Variants in DNM1L observed in about 807,000 individuals in gnomAD.
DNM1L encodes dynamin-1-like protein.
In DNM1L, 33 loss-of-function variants were observed where a neutral mutation model predicts 92.8. That is an observed-to-expected ratio of 0.36 (90% CI 0.27 to 0.48). The LOEUF (loss-of-function observed/expected upper bound fraction) is 0.48. Ranked by LOEUF, DNM1L falls within the 20% of genes least tolerant of loss-of-function variation. The pLI is 0.99. For synonymous variants in DNM1L, 284 were observed against 305.0 expected (o/e 0.93, Z 0.72); for missense variants, 485 against 888.8 (o/e 0.55, Z 5.78).
chr12:32,739,682 T>C (rs2137584503), intron 16 of DNM1L, among the ~76,000 whole-genome samples: 1 of 152,358 alleles, frequency 6.6e-6, no homozygotes, highest in South Asian at 2.1e-4. Context: ...GAAATTAAAC[T>C]GAATAGCAGT....
chr12:32,722,710 C>A, intron 9 of DNM1L, 77 bp downstream of exon 9: 3 of 1,038,314 alleles, frequency 2.9e-6, no homozygotes, highest in Non-Finnish European at 4.4e-6. Context: ...ATGACTTCAG[C>A]TCAGATTATC....
chr12:32,739,404 A>G (rs1212958151), intron 16 of DNM1L, among the ~76,000 whole-genome samples: 1 of 152,240 alleles, frequency 6.6e-6, no homozygotes, highest in African/African-American at 2.4e-5. Context: ...TAATGGTAGC[A>G]CTAGATTTCT....
chr12:32,738,217 T>C (rs1217023261), intron 15 of DNM1L, 47 bp from the exon 16 acceptor site: 2 of 1,607,862 alleles, frequency 1.2e-6, no homozygotes, highest in African/African-American at 2.7e-5. Context: ...CCATTGGTAT[T>C]TAAATTTTGC....
intron 9 of DNM1L, chr12:32,727,480 G>GCA (rs1954225450): frequency 1.7e-6 from 1 of 586,240 alleles, no homozygotes; most frequent in Non-Finnish European, 3.1e-6. Context: ...GCAAGAGGCA[G>GCA]CACTGCAAGC....
Position 32,726,624 on chromosome 12 carries a change from C to G in DNM1L, c.1079+3991C>G, listed in dbSNP as rs147861153. 1,987 of 990,136 alleles carry G rather than the reference C, an allele frequency of 2.0e-3. 25 individuals carry two copies. In the African/African-American group the frequency reaches 0.029, roughly 14 times the overall value. The allele number at this position is 990,136 out of a possible 1,614,324, so 61.3% of individuals were successfully genotyped here. A position where few individuals can be genotyped will look rare whatever the true frequency, so the allele number is the denominator to read the frequency against. ...AGCTTCAGCATCATCATCCAGATCT[C>G]CACTCTCAGGAACTTCAGGAGGGGC... is the stretch of plus-strand genomic sequence containing the variant. On this transcript the variant is annotated intron_variant, in intron 9 of 19. Coordinates refer to ENST00000549701, the MANE Select transcript of DNM1L (RefSeq NM_012062.5).
At chr12:32,730,645 A>C (rs1954497073) in intron 9 of DNM1L, among the ~76,000 whole-genome samples, 1 of 152,248 alleles carries the variant, frequency 6.6e-6, no homozygotes, top group African/African-American at 2.4e-5. Context: ...TTATGGAAAA[A>C]GTTTGCCAAC....
At position 32,711,014 on chromosome 12, in the gene DNM1L, A is replaced by C; in HGVS notation, c.455A>C (p.Lys152Thr). 2 of 1,613,540 alleles carry C rather than the reference A, an allele frequency of 1.2e-6. No individual in the cohort carries two copies. Among genetic ancestry groups the C allele is most frequent in the Non-Finnish European group, 1.7e-6 (2 of 1,179,532 alleles). Residue 152 changes from lysine to threonine, a missense_variant and splice_region_variant, in exon 5 of 20, where the codon AAG becomes ACG. By Grantham distance (78) the Lys-to-Thr change is moderately conservative. Transcript: ENST00000549701. Reference sequence around the variant, plus strand: ...CTTGTGGATTTGCCAGGAATGACCAAGGTAAGGAAGGAATAGTTGTAGATT... The same window carrying C: ...CTTGTGGATTTGCCAGGAATGACCACGGTAAGGAAGGAATAGTTGTAGATT... The part of the protein sequence containing the change: ...LTLVDLPGMT[K>T]VPVGDQPKDI...
In DNM1L at chr12:32,679,480, C is replaced by T. The variant is rs1439460697; in HGVS notation, c.102+15C>T. On this transcript the variant is annotated intron_variant, in intron 1 of 19. Transcript: ENST00000549701. ...TGGGAACGCAGGTGAGAGCAGCAGG[C>T]GGCGTTCGCTCGGGCCAGACCCCGG... The T allele has an allele frequency of 1.2e-6, 2 of 1,605,106 alleles. No individual in the cohort carries two copies. Among genetic ancestry groups the T allele is most frequent in the South Asian group, 1.1e-5 (1 of 90,992 alleles).
At position 32,722,456 on chromosome 12, in the gene DNM1L, T is replaced by C. The variant is rs752103486; in HGVS notation, c.902T>C (p.Leu301Ser). The change falls in exon 9 of 20, where the codon TTA becomes TCA. Residue 301 changes from leucine to serine, a missense_variant. Physicochemically the swap from Leu to Ser is moderately radical, Grantham distance 145. Coordinates refer to ENST00000549701, the MANE Select transcript of DNM1L (RefSeq NM_012062.5). Reference protein sequence around the residue: ...RLLMHHIRDCLPELKTRINVL... With the variant: ...RLLMHHIRDCSPELKTRINVL... ...CTGATGCATCACATCAGAGATTGTT[T>C]ACCAGAGTTGAAAACAAGAATAAAT... The C allele has an allele frequency of 6.2e-7, 1 of 1,612,922 alleles. No homozygotes were observed. The highest frequency in any genetic ancestry group is 8.5e-7 in the Non-Finnish European group (1 of 1,179,962).
intron 12 of DNM1L, 74 bp from the exon 13 acceptor site, chr12:32,733,639 GTT>G (rs1466568468): frequency 8.0e-7 from 1 of 1,244,566 alleles, no homozygotes; most frequent in Non-Finnish European, 1.2e-6. Context: ...TGTTTCATAA[GTT>G]TTATATATAA....
chr12:32,698,717 CTT>C (rs892214531), intron 1 of DNM1L, among the ~76,000 whole-genome samples: 5 of 151,918 alleles, frequency 3.3e-5, no homozygotes, highest in Non-Finnish European at 5.9e-5. Flanking sequence ...TTATTGCAAA[CTT>C]AAGAAAAATG....
chr12:32,727,750 T>C (rs1171265519), intron 9 of DNM1L, among the ~76,000 whole-genome samples: 4 of 152,232 alleles, frequency 2.6e-5, no homozygotes, highest in Admixed American at 2.6e-4. Flanking sequence ...ATTTTACTTT[T>C]TAGATATACC....
At position 32,701,402 on chromosome 12, in the gene DNM1L, A is replaced by T; in HGVS notation, c.103-13A>T. The T allele has an allele frequency of 3.1e-6, 5 of 1,613,068 alleles. No individual in the cohort carries two copies. Among genetic ancestry groups the T allele is most frequent in the Non-Finnish European group, 4.2e-6 (5 of 1,179,156 alleles). The stretch of plus-strand genomic sequence containing the variant: ...AGAAACTCATTTTGCTCTTGTATAT[A>T]TTCTGTTTTCAGAGCAGCGGAAAGA... On this transcript the variant is annotated splice_polypyrimidine_tract_variant and intron_variant, in intron 1 of 19. Coordinates refer to ENST00000549701, the MANE Select transcript of DNM1L (RefSeq NM_012062.5).
At chr12:32,697,245 A>G (rs747596703) in intron 1 of DNM1L, among the ~76,000 whole-genome samples, 6 of 152,032 alleles carry the variant, frequency 3.9e-5, no homozygotes, top group Non-Finnish European at 5.9e-5. Flanking sequence ...TAAAAAATAA[A>G]AGTCACAAAC....
At chr12:32,716,722 G>GTA (rs1290299320) in intron 6 of DNM1L, among the ~76,000 whole-genome samples, 1 of 140,544 alleles carries the variant, frequency 7.1e-6, no homozygotes. Context: ...TATATATAGA[G>GTA]TATATATACA....
Position 32,731,473 on chromosome 12 carries a change from C to T in DNM1L, c.1318C>T (p.Gln440Ter). Reference sequence around the variant, plus strand: ...TGTGGAACTGGTTCATGAGGAAATGCAAAGGATCATTCAGCACTGTAGCAA... The same window carrying T: ...TGTGGAACTGGTTCATGAGGAAATGTAAAGGATCATTCAGCACTGTAGCAA... Reference protein sequence around the residue: ...RCVELVHEEMQRIIQHCSNYS... With the variant: ...RCVELVHEEM Residue 440 changes from glutamine to a stop codon, truncating the protein, a stop_gained, in exon 11 of 20, where the codon CAA becomes TAA. Transcript: ENST00000549701. LOFTEE classifies it high-confidence loss of function. This position sits in a 1 kb window ranked among gnomAD's most constrained non-coding sequence, Gnocchi z 5.1. The T allele has an allele frequency of 6.2e-7, 1 of 1,614,066 alleles. No individual in the cohort carries two copies. The highest frequency in any genetic ancestry group is 8.5e-7 in the Non-Finnish European group (1 of 1,180,016).
intron 18 of DNM1L, 131 bp from the exon 19 acceptor site, chr12:32,742,458 T>G (rs546382314): frequency 2.6e-6 from 3 of 1,160,706 alleles, no homozygotes; most frequent in Non-Finnish European, 3.7e-6. Context: ...TAAAGGGCGA[T>G]TATGCCATTA....
intron 6 of DNM1L, among the ~76,000 whole-genome samples, chr12:32,715,543 A>G (rs550385674): frequency 6.6e-6 from 1 of 152,014 alleles, no homozygotes; most frequent in East Asian, 1.9e-4. Flanking sequence ...GAGCAGCCTG[A>G]CCAACATGGT....
intron 3 of DNM1L, among the ~76,000 whole-genome samples, 155 bp downstream of exon 3, chr12:32,707,568 A>G (rs986354582): frequency 1.3e-5 from 2 of 152,196 alleles, no homozygotes; most frequent in Non-Finnish European, 2.9e-5. Context: ...TTCTAACCAC[A>G]ATTGTTTATT....
Sources: allele counts gnomAD v4.1 joint callset (sites outside exome capture counted in the v4.1 genomes callset), GRCh38; gene constraint gnomAD v4.1.1; non-coding constraint Gnocchi (gnomAD v3.1); transcripts MANE v1.5; gene names NCBI Gene and HGNC (gene_info 2026-07-23, HGNC 2026-07-21).